The following NR3C1 variants were observed in gnomAD, a reference collection of about 807,000 sequenced individuals.
NR3C1 encodes glucocorticoid receptor.
In NR3C1, 14 loss-of-function variants were observed where a neutral mutation model predicts 74.0. The ratio of observed to expected loss-of-function variants is 0.19; its 90% CI spans 0.12 to 0.30. NR3C1 has a LOEUF of 0.30. NR3C1 is among the 10% of genes least tolerant of loss of function. The pLI, the probability that NR3C1 is intolerant of heterozygous loss-of-function variation, is 1.00. For synonymous variants in NR3C1, 308 were observed against 332.5 expected, an observed-to-expected ratio of 0.93 and a Z score of 0.80; for missense variants, 695 against 909.8, an observed-to-expected ratio of 0.76 and a Z score of 3.04.
At chr5:143,293,612 G>A (rs1218622468) in intron 7 of NR3C1, among the ~76,000 whole-genome samples, 1 of 152,174 alleles carries the variant, frequency 6.6e-6, no homozygotes, top group Non-Finnish European at 1.5e-5. Flanking sequence ...CAAAGAGCAA[G>A]TTGGCTTGAG....
intron 1 of NR3C1, among the ~76,000 whole-genome samples, chr5:143,424,209 TA>T (rs1751408100): frequency 1.2e-5 from 1 of 82,434 alleles, no homozygotes; most frequent in Non-Finnish European, 3.0e-5. Context: ...ACTTATAGTA[TA>T]ATAATAATAA....
chr5:143,427,754 G>A (rs1388416861), intron 1 of NR3C1, among the ~76,000 whole-genome samples: 4 of 152,124 alleles, frequency 2.6e-5, no homozygotes, highest in Admixed American at 6.6e-5. Flanking sequence ...TAGTGGCTAG[G>A]TATCCACACT....
chr5:143,431,560 C>T (rs1196809403), intron 1 of NR3C1, among the ~76,000 whole-genome samples: 1 of 151,992 alleles, frequency 6.6e-6, no homozygotes, highest in Non-Finnish European at 1.5e-5. Flanking sequence ...AGGCTTAAAA[C>T]CTAGGTGGTG....
At chr5:143,361,954 A>C (rs750805056) in intron 2 of NR3C1, among the ~76,000 whole-genome samples, 1 of 152,230 alleles carries the variant, frequency 6.6e-6, no homozygotes, top group Non-Finnish European at 1.5e-5. Context: ...TCCAAAATCA[A>C]AGGGGAGTAA....
chr5:143,308,432 C>T (rs1408765659), intron 4 of NR3C1, among the ~76,000 whole-genome samples: 1 of 152,136 alleles, frequency 6.6e-6, no homozygotes, highest in African/African-American at 2.4e-5. Context: ...TCACTGCACT[C>T]CAGCCTGGGT....
At chr5:143,350,603 T>TG (rs1465912054) in intron 2 of NR3C1, among the ~76,000 whole-genome samples, 1 of 152,088 alleles carries the variant, frequency 6.6e-6, no homozygotes, top group Non-Finnish European at 1.5e-5. Flanking sequence ...GTTGGAAATA[T>TG]GGGTCAGGAG....
chr5:143,352,642 C>T (rs940771527), intron 2 of NR3C1, among the ~76,000 whole-genome samples: 4 of 152,110 alleles, frequency 2.6e-5, no homozygotes, highest in Non-Finnish European at 4.4e-5. Flanking sequence ...TTTTGGTTTC[C>T]CACTACATAT....
At chr5:143,331,866 C>A (rs113988246) in intron 2 of NR3C1, among the ~76,000 whole-genome samples, 1 of 152,148 alleles carries the variant, frequency 6.6e-6, no homozygotes, top group African/African-American at 2.4e-5. Flanking sequence ...ATCTGTACAG[C>A]AAACCCCTGT....
intron 1 of NR3C1, among the ~76,000 whole-genome samples, chr5:143,401,860 GCCTTCACCTATCCAAA>G (rs1402734700): frequency 1.3e-5 from 2 of 152,306 alleles, no homozygotes; most frequent in Non-Finnish European, 2.9e-5. Flanking sequence ...AATTTTCTCT[GCCTTCACCTATCCAAA>G]CCTTCACCTA....
At chr5:143,286,624 A>C (rs1814552171) in intron 7 of NR3C1, among the ~76,000 whole-genome samples, 1 of 152,126 alleles carries the variant, frequency 6.6e-6, no homozygotes, top group Non-Finnish European at 1.5e-5. Context: ...GGTCAACTAC[A>C]TACTCTCTAG....
At chr5:143,405,001 G>T, upstream of NR3C1, 1 of 491,554 alleles carries the variant, frequency 2.0e-6, no homozygotes, top group Non-Finnish European at 2.6e-6. Context: ...TTCCCCCTCA[G>T]TCCAAGGGGA....
intron 1 of NR3C1, among the ~76,000 whole-genome samples, chr5:143,424,124 A>G (rs1478840916): frequency 6.6e-6 from 1 of 151,936 alleles, no homozygotes; most frequent in South Asian, 2.1e-4. Flanking sequence ...ATGACGAGTT[A>G]ATGGGTGCAG....
chr5:143,377,671 C>T (rs1402732238), intron 2 of NR3C1, among the ~76,000 whole-genome samples: 2 of 152,244 alleles, frequency 1.3e-5, no homozygotes, highest in Non-Finnish European at 2.9e-5. Context: ...CTGATACACC[C>T]TATCAGCAGG....
chr5:143,378,803 A>G (rs1193039693), intron 2 of NR3C1, among the ~76,000 whole-genome samples: 2 of 152,208 alleles, frequency 1.3e-5, no homozygotes, highest in East Asian at 3.8e-4. Context: ...AATTTTTTAA[A>G]AGCAGTCATC....
At chr5:143,308,354 C>T (rs1198981000) in intron 4 of NR3C1, among the ~76,000 whole-genome samples, 2 of 152,018 alleles carry the variant, frequency 1.3e-5, no homozygotes, top group African/African-American at 4.8e-5. Context: ...AGTGTACATC[C>T]GTAGCCCTAC....
intron 1 of NR3C1, among the ~76,000 whole-genome samples, chr5:143,430,906 C>T (rs1261618903): frequency 6.6e-6 from 1 of 152,140 alleles, no homozygotes; most frequent in Non-Finnish European, 1.5e-5. Context: ...GGGTGTTGAG[C>T]CTTCACTGCA....
chr5:143,332,744 A>G (rs1400921980), intron 2 of NR3C1: 7 of 1,588,588 alleles, frequency 4.4e-6, no homozygotes, highest in Non-Finnish European at 6.0e-6. Context: ...TGGAATTGCC[A>G]GATAAACATT....
chr5:143,367,490 T>C (rs530156238), intron 2 of NR3C1, among the ~76,000 whole-genome samples: 2 of 152,318 alleles, frequency 1.3e-5, no homozygotes, highest in East Asian at 3.9e-4. Flanking sequence ...GATGACATGA[T>C]CTTATATATA....
intron 1 of NR3C1, 44 bp downstream of exon 1, chr5:143,403,167 G>A: frequency 1.0e-6 from 1 of 980,374 alleles, no homozygotes; most frequent in Non-Finnish European, 1.2e-6. Context: ...GCGGCACCTC[G>A]GGGGAGCGAG....
Sources: gnomAD v4.1 joint callset for allele counts (sites outside exome capture counted in the v4.1 genomes callset) on GRCh38, gnomAD v4.1.1 for gene constraint, MANE v1.5 for transcripts, NCBI Gene and HGNC (gene_info 2026-07-23, HGNC 2026-07-21) for gene names.